APPBP2: variants seen among roughly 807,000 people sequenced by gnomAD.
APPBP2 encodes amyloid beta precursor protein binding protein 2.
A neutral mutation model predicts 76.0 loss-of-function variants in APPBP2; 15 were observed. The ratio of observed to expected loss-of-function variants is 0.20; its 90% CI spans 0.13 to 0.30. APPBP2 has a LOEUF of 0.30. Ranked by LOEUF, APPBP2 falls within the 10% of genes least tolerant of loss-of-function variation. The pLI is 1.00. For missense variants in APPBP2, 401 were observed against 687.2 expected, an observed-to-expected ratio of 0.58 and a Z score of 4.66; for synonymous variants, 222 against 242.2, an observed-to-expected ratio of 0.92 and a Z score of 0.77.
At chr17:60,500,353 A>T (rs948131716) in intron 2 of APPBP2, 46 bp downstream of exon 2, 2 of 1,332,676 alleles carry the variant, frequency 1.5e-6, no homozygotes, top group Non-Finnish European at 2.1e-6. Context: ...TAAAATGGTA[A>T]ATTTTATGTT....
chr17:60,459,026 C>T (rs1033792232), intron 9 of APPBP2, among the ~76,000 whole-genome samples: 1 of 152,068 alleles, frequency 6.6e-6, no homozygotes, highest in Non-Finnish European at 1.5e-5. Context: ...CCGCTTCGGC[C>T]TCCCAAAGTG....
intron 1 of APPBP2, among the ~76,000 whole-genome samples, chr17:60,512,092 T>C (rs927711718): frequency 6.7e-6 from 1 of 149,052 alleles, no homozygotes; most frequent in Non-Finnish European, 1.5e-5. Context: ...TGAGGTGTTT[T>C]TTTATTATTA....
chr17:60,487,041 T>C (rs941585780), intron 3 of APPBP2, among the ~76,000 whole-genome samples: 3 of 152,224 alleles, frequency 2.0e-5, no homozygotes, highest in Non-Finnish European at 4.4e-5. Flanking sequence ...TTCTGGCTTG[T>C]AGAGTTTCTG....
chr17:60,451,850 C>G (rs2090397870), intron 12 of APPBP2, 30 bp downstream of exon 12: 1 of 1,569,044 alleles, frequency 6.4e-7, no homozygotes, highest in East Asian at 2.3e-5. Context: ...TTGTAATCAA[C>G]TGACTAAAGA....
At chr17:60,519,501 A>AT (rs112385495) in intron 1 of APPBP2, among the ~76,000 whole-genome samples, 11,674 of 149,676 alleles carry the variant, frequency 0.078, 1,522 homozygotes, top group African/African-American at 0.27. Flanking sequence ...AAAGGAGAAA[A>AT]TTTTTTTTTT....
intron 2 of APPBP2, among the ~76,000 whole-genome samples, chr17:60,496,868 G>A (rs943883583): frequency 6.6e-6 from 1 of 152,050 alleles, no homozygotes; most frequent in Non-Finnish European, 1.5e-5. Flanking sequence ...TTACAGGCAT[G>A]AGCTACCACG....
chr17:60,507,627 C>T (rs2090879081), intron 1 of APPBP2, among the ~76,000 whole-genome samples: 1 of 152,202 alleles, frequency 6.6e-6, no homozygotes, highest in Non-Finnish European at 1.5e-5. Flanking sequence ...AGTCTCTACT[C>T]TGGAGTTTAT....
intron 1 of APPBP2, among the ~76,000 whole-genome samples, chr17:60,505,178 C>T (rs2143465789): frequency 6.6e-6 from 1 of 152,280 alleles, no homozygotes; most frequent in East Asian, 1.9e-4. Context: ...GAATTAGTCC[C>T]TCCATTACCA....
Position 60,513,036 on chromosome 17 carries a change from C to T in APPBP2, c.139-12549G>A, listed in dbSNP as rs534477179. ...GGTCGCATCTTGGCGTGAGACAGCG[C>T]TATTCCGTGGGTGCTATAACAGGTT... On this transcript the variant is annotated intron_variant, in intron 1 of 12. Coordinates refer to ENST00000083182, the MANE Select transcript of APPBP2 (RefSeq NM_006380.5). Among the ~76,000 whole-genome samples, 7 of 149,696 alleles carry T rather than the reference C, an allele frequency of 4.7e-5. No individual in the cohort carries two copies. The East Asian group carries it at 1.2e-3, about 25-fold the overall frequency.
chr17:60,481,392 A>C (rs931458835), intron 3 of APPBP2, among the ~76,000 whole-genome samples: 3 of 152,200 alleles, frequency 2.0e-5, no homozygotes, highest in African/African-American at 7.2e-5. Context: ...AGAGTTCAAG[A>C]CCAGCCTGGG....
In APPBP2 at chr17:60,512,350, G is replaced by A. The variant is rs182241500; in HGVS notation, c.139-11863C>T. ...GCTCTCCTGACCTCGTGATCCGCCC[G>A]CCTCGGCCTCCCAAAGAGGTGTTTT... On this transcript the variant is annotated intron_variant, in intron 1 of 12. Coordinates refer to ENST00000083182, the MANE Select transcript of APPBP2 (RefSeq NM_006380.5). 1.7e-3 allele frequency among the ~76,000 whole-genome samples: 261 copies of A among 151,790 alleles called. 2 individuals are homozygous for A. Among genetic ancestry groups the A allele is most frequent in the Middle Eastern group, 3.4e-3 (1 of 294 alleles).
intron 9 of APPBP2, among the ~76,000 whole-genome samples, chr17:60,458,435 C>CAA (rs10692598): frequency 0.077 from 10,471 of 136,572 alleles, 1,261 homozygotes; most frequent in African/African-American, 0.27. Context: ...GACTCTGTCT[C>CAA]AAAAAAAAAA....
At chr17:60,494,359 T>C in intron 3 of APPBP2, 107 bp downstream of exon 3, 1 of 1,254,496 alleles carries the variant, frequency 8.0e-7, no homozygotes, top group Non-Finnish European at 1.1e-6. Flanking sequence ...GTTCTTCTCA[T>C]AACCTTCTTA....
At chr17:60,518,522 G>A (rs2090983155) in intron 1 of APPBP2, among the ~76,000 whole-genome samples, 1 of 151,628 alleles carries the variant, frequency 6.6e-6, no homozygotes, top group Non-Finnish European at 1.5e-5. Flanking sequence ...GTGTGTGTGT[G>A]TGTGTGAAAG....
intron 3 of APPBP2, among the ~76,000 whole-genome samples, chr17:60,485,077 G>A (rs2090662524): frequency 6.6e-6 from 1 of 152,074 alleles, no homozygotes. Context: ...TGGTGGATAA[G>A]CTTTTTGATG....
intron 1 of APPBP2, among the ~76,000 whole-genome samples, chr17:60,506,753 T>C (rs537930461): frequency 8.5e-5 from 13 of 152,226 alleles, no homozygotes; most frequent in South Asian, 2.1e-4. Flanking sequence ...AAAAACATTT[T>C]CCCCCCGGGC....
At chr17:60,473,054 C>A (rs908650965) in intron 4 of APPBP2, among the ~76,000 whole-genome samples, 1 of 152,132 alleles carries the variant, frequency 6.6e-6, no homozygotes, top group Admixed American at 6.6e-5. Flanking sequence ...TAACTGCCAT[C>A]TTTAGGTAGG....
In APPBP2 at chr17:60,473,676, A is replaced by G. The variant is rs116312797; in HGVS notation, c.503+5472T>C. ...TTAAAAACAAAAAGAATAAAAATTTATAACATTTAAATCTTTCCTTATACC... is the reference window on the plus strand; with the variant it reads ...TTAAAAACAAAAAGAATAAAAATTTGTAACATTTAAATCTTTCCTTATACC... On this transcript the variant is annotated intron_variant, in intron 4 of 12. Coordinates refer to ENST00000083182, the MANE Select transcript of APPBP2 (RefSeq NM_006380.5). 8.9e-3 allele frequency among the ~76,000 whole-genome samples: 1,361 copies of G among 152,310 alleles called. 25 individuals carry two copies. Among genetic ancestry groups the G allele is most frequent in the African/African-American group, 0.031 (1,306 of 41,574 alleles).
chr17:60,453,541 T>TTTTG (rs2090410876), intron 11 of APPBP2, among the ~76,000 whole-genome samples: 1 of 150,608 alleles, frequency 6.6e-6, no homozygotes, highest in African/African-American at 2.5e-5. Flanking sequence ...ATCCTGTTTT[T>TTTTG]TTTTTTGTTT....
Sources: allele counts gnomAD v4.1 joint callset (sites outside exome capture counted in the v4.1 genomes callset), GRCh38; gene constraint gnomAD v4.1.1; transcripts MANE v1.5; gene names NCBI Gene and HGNC (gene_info 2026-07-23, HGNC 2026-07-21).